Variants in FBXW8 observed in about 807,000 individuals in gnomAD.
The protein encoded by FBXW8 is F-box and WD repeat domain containing 8.
In FBXW8, 57 loss-of-function variants were observed where a neutral mutation model predicts 65.3. That is an observed-to-expected ratio of 0.87 (90% CI 0.71 to 1.09). FBXW8 has a LOEUF of 1.09. Ranked by LOEUF, FBXW8 falls within the 50% of genes least tolerant of loss-of-function variation. The pLI is 0.00. For synonymous variants in FBXW8, 308 were observed against 330.2 expected (o/e 0.93, Z 0.73); for missense variants, 777 against 814.8 (o/e 0.95, Z 0.57).
chr12:117,005,639 G>A (rs903140224), intron 7 of FBXW8, among the ~76,000 whole-genome samples: 7 of 152,330 alleles, frequency 4.6e-5, no homozygotes, highest in Non-Finnish European at 7.3e-5. Flanking sequence ...CACGTGATGC[G>A]TGCAGACAGC....
At chr12:116,923,264 AG>A (rs1273983100) in intron 1 of FBXW8, among the ~76,000 whole-genome samples, 3 of 150,932 alleles carry the variant, frequency 2.0e-5, no homozygotes, top group African/African-American at 7.4e-5. Context: ...AGGTCTTGGT[AG>A]GGCCCTTGGC....
intron 9 of FBXW8, among the ~76,000 whole-genome samples, chr12:117,025,459 C>G (rs1384567449): frequency 6.6e-6 from 1 of 152,196 alleles, no homozygotes; most frequent in Non-Finnish European, 1.5e-5. Context: ...CAAGGTAAAC[C>G]GACCTCTGAG....
intron 4 of FBXW8, among the ~76,000 whole-genome samples, chr12:116,955,947 G>A (rs1883615213): frequency 6.6e-6 from 1 of 152,140 alleles, no homozygotes; most frequent in Non-Finnish European, 1.5e-5. Context: ...TAACCATTAA[G>A]CCATTAGCTC....
At chr12:116,950,770 A>G (rs1022005394) in intron 4 of FBXW8, 6 of 152,226 alleles carry the variant, frequency 3.9e-5, no homozygotes, top group African/African-American at 9.6e-5. Flanking sequence ...TTGATGGTCC[A>G]GATACTTGCG....
chr12:116,962,971 C>G (rs940487828), intron 4 of FBXW8, among the ~76,000 whole-genome samples: 1 of 152,148 alleles, frequency 6.6e-6, no homozygotes. Context: ...GGCCAGTGGC[C>G]GTGCTTTGGC....
At position 116,928,038 on chromosome 12, in the gene FBXW8, G is replaced by T; in HGVS notation, c.334G>T (p.Val112Leu). 1 of 1,596,570 alleles carries T rather than the reference G, an allele frequency of 6.3e-7. No individual in the cohort carries two copies. Among genetic ancestry groups the T allele is most frequent in the Non-Finnish European group, 8.5e-7 (1 of 1,170,388 alleles). The part of the protein sequence containing the change: ...LIRDLNEMND[V>L]PFFDIQLPYE... The stretch of plus-strand genomic sequence containing the variant: ...TTCCCCTCAGAATGAAATGAATGAT[G>T]TGCCTTTCTTTGATATCCAACTGCC... The change falls in exon 2 of 11, where the codon GTG (valine) becomes TTG (leucine). Residue 112 changes from valine (V) to leucine (L), a missense_variant. By Grantham distance (32) the Val-to-Leu change is conservative (BLOSUM62 1). Transcript: ENST00000652555.
At position 116,911,299 on chromosome 12, in the gene FBXW8, G is replaced by GC. The variant is rs1229652033; in HGVS notation, c.265dup (p.Arg89ProfsTer20). 3 of 1,280,954 alleles carry GC rather than the reference G, an allele frequency of 2.3e-6. No homozygotes were observed. In the Admixed American group the frequency reaches 1.2e-4, roughly 53 times the overall value. The allele number at this position is 1,280,954 out of a possible 1,614,324, so 79.3% of individuals were successfully genotyped here. On this transcript the variant is annotated frameshift_variant, in exon 1 of 11. Transcript: ENST00000652555. LOFTEE classifies it high-confidence loss of function. ...AGCGAGCCGCTCACGTTCTCCTCTG[G>GC]CCCGCGAGGGCGCCGGGGGCGGGGA...
chr12:116,911,685 C>CA (rs1382990587), intron 1 of FBXW8, among the ~76,000 whole-genome samples: 1 of 151,918 alleles, frequency 6.6e-6, no homozygotes, highest in East Asian at 1.9e-4. Flanking sequence ...ACACCACGCA[C>CA]AAAAAAATTA....
intron 2 of FBXW8, among the ~76,000 whole-genome samples, chr12:116,941,171 G>C (rs1394519063): frequency 1.3e-5 from 2 of 152,214 alleles, no homozygotes; most frequent in Admixed American, 6.5e-5. Context: ...GGGGAGGTCA[G>C]CTCTCCACTG....
chr12:116,942,181 A>G (rs1411275884), intron 2 of FBXW8, among the ~76,000 whole-genome samples: 2 of 150,328 alleles, frequency 1.3e-5, no homozygotes, highest in African/African-American at 4.9e-5. Flanking sequence ...GGCACACACC[A>G]TCACATCTGG....
In FBXW8 at chr12:117,024,566, A is replaced by T. The variant is rs565432584; in HGVS notation, c.1541+246A>T. Among the ~76,000 whole-genome samples, 3 of 152,346 alleles carry T rather than the reference A, an allele frequency of 2.0e-5. No homozygotes were observed. In the South Asian group the frequency reaches 6.2e-4, roughly 32 times the overall value. ...CTCTGACATCATTCAGATCGCCACA[A>T]TTCCTACATTAGCCAGGCCCAGCTT... On this transcript the variant is annotated intron_variant, in intron 9 of 10. Transcript: ENST00000652555.
intron 7 of FBXW8, among the ~76,000 whole-genome samples, chr12:117,006,294 A>C (rs1953672675): frequency 6.6e-6 from 1 of 152,250 alleles, no homozygotes; most frequent in East Asian, 1.9e-4. Context: ...TTCAGTATGC[A>C]AGTGGTTCAT....
At chr12:116,919,033 C>G (rs915835025) in intron 1 of FBXW8, among the ~76,000 whole-genome samples, 8 of 151,988 alleles carry the variant, frequency 5.3e-5, no homozygotes, top group Non-Finnish European at 7.4e-5. Context: ...AGATTAACAG[C>G]AACAACAAAA....
chr12:116,993,817 G>A (rs1013019273), intron 7 of FBXW8, among the ~76,000 whole-genome samples: 2 of 152,224 alleles, frequency 1.3e-5, no homozygotes, highest in Admixed American at 1.3e-4. Context: ...ATTTGCCTAG[G>A]CCAATGTCCA....
chr12:117,024,300 G>A lies in FBXW8; in HGVS notation c.1521G>A (p.Lys507=), dbSNP rs1288827131. Residue 507 remains lysine (K), a synonymous_variant, in exon 9 of 11, where the codon AAG becomes AAA. Transcript: ENST00000652555. ...VSVWDYRMNQ[K]LWEVYSGHPV... ...TGTGGGATTATCGGATGAACCAGAA[G>A]CTGTGGGAGGTGTATTCCGGGTAAG... 1 of 1,614,214 alleles carries A rather than the reference G, an allele frequency of 6.2e-7. No homozygotes were observed. The highest frequency in any genetic ancestry group is 1.7e-5 in the Admixed American group (1 of 60,022).
At chr12:117,023,700 C>T (rs2135725403) in intron 8 of FBXW8, among the ~76,000 whole-genome samples, 1 of 152,278 alleles carries the variant, frequency 6.6e-6, no homozygotes, top group South Asian at 2.1e-4. Context: ...AGTGAAATAC[C>T]CAAAAAGTGT....
intron 1 of FBXW8, among the ~76,000 whole-genome samples, chr12:116,924,619 A>G (rs1433951471): frequency 6.6e-6 from 1 of 152,156 alleles, no homozygotes; most frequent in African/African-American, 2.4e-5. Context: ...AGTAGCAAGT[A>G]GTGTTTTTAA....
chr12:116,961,453 C>T lies in FBXW8; in HGVS notation c.678-3244C>T, dbSNP rs1022694501. ...GAGCATTTGGGATCCTCTCTGGAAG[C>T]CGGCCCGTGTGAAGGGAGAGTAGAA... On this transcript the variant is annotated intron_variant, in intron 4 of 10. Transcript: ENST00000652555. This position sits in a 1 kb window ranked among gnomAD's most constrained non-coding sequence, Gnocchi z 4.4. Among the ~76,000 whole-genome samples, 9 of 152,112 alleles carry T rather than the reference C, an allele frequency of 5.9e-5. No homozygotes were observed. The highest frequency in any genetic ancestry group is 1.4e-4 in the African/African-American group (6 of 41,412).
At chr12:116,927,996 A>G in intron 1 of FBXW8, 27 bp from the exon 2 acceptor site, 1 of 1,406,884 alleles carries the variant, frequency 7.1e-7, no homozygotes. Context: ...AAAATTATAA[A>G]CTTCTTTCTT....
Sources: allele counts gnomAD v4.1 joint callset (sites outside exome capture counted in the v4.1 genomes callset), GRCh38; gene constraint gnomAD v4.1.1; non-coding constraint Gnocchi (gnomAD v3.1); transcripts MANE v1.5; gene names NCBI Gene and HGNC (gene_info 2026-07-23, HGNC 2026-07-21).